COL5A1: variants seen among roughly 807,000 people sequenced by gnomAD.
COL5A1 encodes the protein collagen type V alpha 1 chain, also known as collagen alpha-1(V) chain.
A neutral mutation model predicts 263.7 loss-of-function variants in COL5A1; 16 were observed. That is an observed-to-expected ratio of 0.06 (90% CI 0.04 to 0.09). COL5A1 has a LOEUF of 0.09. Ranked by LOEUF, COL5A1 falls within the 10% of genes least tolerant of loss-of-function variation. COL5A1 has a pLI of 1.00. For synonymous variants in COL5A1, 1,012 were observed against 1,004.5 expected, an observed-to-expected ratio of 1.01 and a Z score of -0.14; for missense variants, 2,036 against 2,540.5, an observed-to-expected ratio of 0.80 and a Z score of 4.27.
At position 134,731,611 on chromosome 9, in the gene COL5A1, C is replaced by T. The variant is rs751337133; in HGVS notation, c.1280C>T (p.Pro427Leu). Residue 427 changes from proline (P) to leucine (L), a missense_variant, in exon 8 of 66, where the codon CCG (proline) becomes CTG (leucine). Physicochemically the swap from Pro to Leu is moderately conservative, Grantham distance 98. This residue lies in a region of COL5A1 where 600 missense variants were observed against 634.5 expected (regional missense o/e 0.95). Transcript: ENST00000371817. ...CCCTACTACGACCCCACCAGCTCCC[C>T]GTCGGAGATCGGGCCGGGAATGCCG... ...YDPYYDPTSSPSEIGPGMPAN... is the reference protein window; with the variant it reads ...YDPYYDPTSSLSEIGPGMPAN... 36 of 1,614,034 alleles carry T rather than the reference C, an allele frequency of 2.2e-5. 1 individual carries two copies. Among genetic ancestry groups the T allele is most frequent in the Middle Eastern group, 1.6e-4 (1 of 6,082 alleles).
At position 134,641,845 on chromosome 9, in the gene COL5A1, G is replaced by T. The variant is rs968509011; in HGVS notation, c.-343G>T. The T allele has an allele frequency of 5.1e-6, 2 of 388,506 alleles. No individual in the cohort carries two copies. Among genetic ancestry groups the T allele is most frequent in the East Asian group, 7.3e-5 (2 of 27,448 alleles). 24.1% of individuals were successfully genotyped at this position (388,506 alleles called of 1,614,324 possible). A position where few individuals can be genotyped will look rare whatever the true frequency, so the allele number is the denominator to read the frequency against. On this transcript the variant is annotated 5_prime_UTR_variant, in exon 1 of 66. Transcript: ENST00000371817. ...CCGCGGCTGGCGCAGGACCTCACTC[G>T]AGCGGAGCGCCCACGGGGAGCGGGT... is the stretch of plus-strand genomic sequence containing the variant.
At chr9:134,695,587 C>A (rs1833431390) in intron 2 of COL5A1, among the ~76,000 whole-genome samples, 1 of 152,174 alleles carries the variant, frequency 6.6e-6, no homozygotes. Context: ...TGAGCAGATG[C>A]TCCCCACTCC....
rs2132803063 is a variant in COL5A1, at chr9:134,795,258, C to G, written c.2746-4C>G. On this transcript the variant is annotated splice_region_variant and splice_polypyrimidine_tract_variant and intron_variant, in intron 33 of 65. Transcript: ENST00000371817. ...CTGACCTTCCTTCTCTCCCATCTGTCCAGGGTCCGAGGGGTGAAAGAGGCC... is the reference window on the plus strand; with the variant it reads ...CTGACCTTCCTTCTCTCCCATCTGTGCAGGGTCCGAGGGGTGAAAGAGGCC... 1.2e-6 allele frequency: 2 copies of G among 1,613,898 alleles called. No individual in the cohort carries two copies. The highest frequency in any genetic ancestry group is 2.2e-5 in the East Asian group (1 of 44,856).
intron 4 of COL5A1, among the ~76,000 whole-genome samples, chr9:134,704,934 G>A (rs1048272950): frequency 8.6e-5 from 13 of 152,044 alleles, no homozygotes; most frequent in Admixed American, 5.9e-4. Context: ...GCTTTCCAGC[G>A]GGCTCTGCAT....
In COL5A1 at chr9:134,794,011, C is replaced by T. The variant is rs570040907; in HGVS notation, c.2701-1071C>T. The stretch of plus-strand genomic sequence containing the variant: ...CTGATGGCCTCCAGCCATACAGATC[C>T]ACCTTGGGCGGAGCATCAGAAACCA... On this transcript the variant is annotated intron_variant, in intron 32 of 65. Coordinates refer to ENST00000371817, the MANE Select transcript of COL5A1 (RefSeq NM_000093.5). The surrounding 1 kb of genome is among the most constrained non-coding windows in gnomAD (Gnocchi z 4.3). 1.3e-5 allele frequency among the ~76,000 whole-genome samples: 2 copies of T among 152,326 alleles called. No homozygotes were observed. The highest frequency in any genetic ancestry group is 4.1e-4 in the South Asian group (2 of 4,824).
At position 134,722,166 on chromosome 9, in the gene COL5A1, A is replaced by G. The variant is rs186325804; in HGVS notation, c.655-5100A>G. Among the ~76,000 whole-genome samples, 866 of 152,328 alleles carry G rather than the reference A, an allele frequency of 5.7e-3. 10 individuals carry two copies. Among genetic ancestry groups the G allele is most frequent in the African/African-American group, 0.02 (816 of 41,576 alleles). Reference sequence around the variant, plus strand: ...ATTCGAACGAAGCACGTGCATTTGCAGAGGAGGGGGTTCTCGAAGTGAAGG... The same window carrying G: ...ATTCGAACGAAGCACGTGCATTTGCGGAGGAGGGGGTTCTCGAAGTGAAGG... On this transcript the variant is annotated intron_variant, in intron 4 of 65. Coordinates refer to ENST00000371817, the MANE Select transcript of COL5A1 (RefSeq NM_000093.5).
At chr9:134,735,209 C>CAAA (rs11288569) in intron 9 of COL5A1, among the ~76,000 whole-genome samples, 25 of 135,560 alleles carry the variant, frequency 1.8e-4, no homozygotes, top group African/African-American at 6.3e-4. Flanking sequence ...GACTCCATCT[C>CAAA]AAAAAAAAAA....
intron 63 of COL5A1, among the ~76,000 whole-genome samples, chr9:134,827,077 G>T (rs1436074491): frequency 6.6e-6 from 1 of 152,172 alleles, no homozygotes; most frequent in Admixed American, 6.5e-5. Context: ...TTGTCGCGTG[G>T]CCCCAGGCAA....
chr9:134,753,759 TCCCCCTGCCCC>T, intron 14 of COL5A1, 80 bp from the exon 15 acceptor site: 1 of 539,618 alleles, frequency 1.9e-6, no homozygotes, highest in South Asian at 1.5e-5. Flanking sequence ...CCCTGTCCCC[TCCCCCTGCCCC>T]TCCCCTGCCA....
intron 4 of COL5A1, among the ~76,000 whole-genome samples, chr9:134,725,688 G>A (rs143220944): frequency 7.9e-5 from 12 of 152,164 alleles, no homozygotes; most frequent in Non-Finnish European, 1.3e-4. Flanking sequence ...TGCTTTTCCC[G>A]GCTGACACAG....
At chr9:134,814,671 C>G in intron 49 of COL5A1, 126 bp from the exon 50 acceptor site, 1 of 775,832 alleles carries the variant, frequency 1.3e-6, no homozygotes, top group South Asian at 1.5e-5. Flanking sequence ...AGCCAGCCCC[C>G]TGCAGGGCTC....
intron 11 of COL5A1, among the ~76,000 whole-genome samples, chr9:134,744,984 T>C (rs946257547): frequency 7.2e-5 from 11 of 152,238 alleles, no homozygotes; most frequent in Non-Finnish European, 1.5e-5. Flanking sequence ...ACACGGCCCT[T>C]CCATGGAGGC....
rs138251296 is a variant in COL5A1 at position 134,809,218 on chromosome 9, C to T, written c.3402C>T (p.Asp1134=). The change falls in exon 43 of 66, where the codon GAC becomes GAT. Residue 1134 remains aspartate (D), a synonymous_variant. Transcript: ENST00000371817. ...EKGPQGPAGR[D]GLQGPVGLPG... The stretch of plus-strand genomic sequence containing the variant: ...GCCCACAAGGCCCAGCTGGCCGAGA[C>T]GGTCTCCAGGGGCCTGTGGGGCTCC... 209 of 1,601,726 alleles carry T rather than the reference C, an allele frequency of 1.3e-4. 1 individual carries two copies. The African/African-American group carries it at 1.5e-3, about 11-fold the overall frequency.
Position 134,821,530 on chromosome 9 carries a change from C to T in COL5A1, c.4555-567C>T, listed in dbSNP as rs1055684897. Among the ~76,000 whole-genome samples the T allele has an allele frequency of 2.6e-5, 4 of 152,198 alleles. No individual in the cohort carries two copies. Among genetic ancestry groups the T allele is most frequent in the African/African-American group, 9.7e-5 (4 of 41,450 alleles). ...GTGGCTCCAGCTGCCCGTGGCAAAG[C>T]TGGTCAAAGCTGTTCTGTGCCAGCA... On this transcript the variant is annotated intron_variant, in intron 58 of 65. Transcript: ENST00000371817. This position sits in a 1 kb window ranked among gnomAD's most constrained non-coding sequence, Gnocchi z 4.2.
At chr9:134,779,986 C>A in intron 27 of COL5A1, 116 bp from the exon 28 acceptor site, 1 of 1,136,232 alleles carries the variant, frequency 8.8e-7, no homozygotes, top group Non-Finnish European at 1.3e-6. Context: ...GAGGGCAGGG[C>A]GCTGGCCTCA....
intron 28 of COL5A1, among the ~76,000 whole-genome samples, chr9:134,781,471 C>T (rs148333207): frequency 2.6e-3 from 401 of 152,366 alleles, no homozygotes; most frequent in Non-Finnish European, 4.1e-3. Context: ...CGTTGGTCCC[C>T]GGGAGGCTCC....
At position 134,758,092 on chromosome 9, in the gene COL5A1, T is replaced by C. The variant is rs1010578814; in HGVS notation, c.1882-151T>C. On this transcript the variant is annotated intron_variant, in intron 17 of 65. Coordinates refer to ENST00000371817, the MANE Select transcript of COL5A1 (RefSeq NM_000093.5). This position sits in a 1 kb window ranked among gnomAD's most constrained non-coding sequence, Gnocchi z 4.1. ...ATTGTAGATGCAAAGTGGGGGCCTATGGGGAGAGGGCTGGCCGATGGGGTT... is the reference window on the plus strand; with the variant it reads ...ATTGTAGATGCAAAGTGGGGGCCTACGGGGAGAGGGCTGGCCGATGGGGTT... 1.1e-5 allele frequency: 8 copies of C among 742,762 alleles called. No individual in the cohort carries two copies. In the African/African-American group the frequency reaches 1.4e-4, roughly 13 times the overall value. 46.0% of individuals were successfully genotyped at this position (742,762 alleles called of 1,614,324 possible).
chr9:134,646,829 G>T (rs1355586625), intron 1 of COL5A1, among the ~76,000 whole-genome samples: 1 of 152,202 alleles, frequency 6.6e-6, no homozygotes, highest in Non-Finnish European at 1.5e-5. Flanking sequence ...CTGAACTCCA[G>T]GCCAGCAAGG....
intron 34 of COL5A1, 27 bp from the exon 35 acceptor site, chr9:134,796,346 CT>C: frequency 6.2e-7 from 1 of 1,612,574 alleles, no homozygotes; most frequent in Non-Finnish European, 8.5e-7. Flanking sequence ...CAATCATAAG[CT>C]TTTCCCCCCT....
Sources: allele counts gnomAD v4.1 joint callset (sites outside exome capture counted in the v4.1 genomes callset), GRCh38; gene constraint gnomAD v4.1.1; regional missense constraint gnomAD v4.1.1; non-coding constraint Gnocchi (gnomAD v3.1); transcripts MANE v1.5; gene names NCBI Gene and HGNC (gene_info 2026-07-23, HGNC 2026-07-21).